The following GTF2B variants were observed in gnomAD, a reference collection of about 807,000 sequenced individuals.
The protein encoded by GTF2B is general transcription factor IIB.
GTF2B carries 20 observed loss-of-function variants against 34.6 expected under a neutral mutation model. The observed-to-expected ratio is 0.58, with a 90% confidence interval of 0.41 to 0.84. The LOEUF is 0.84. Among genes scored for constraint, GTF2B ranks in the 40% least tolerant of loss-of-function variants. GTF2B has a pLI of 0.00. For missense variants in GTF2B, 237 were observed against 393.3 expected (o/e 0.60, Z 3.36); for synonymous variants, 142 against 132.4 (o/e 1.07, Z -0.50).
intron 2 of GTF2B, among the ~76,000 whole-genome samples, chr1:88,878,717 C>A (rs1673867130): frequency 6.6e-6 from 1 of 152,198 alleles, no homozygotes; most frequent in African/African-American, 2.4e-5. Context: ...TGATCCTGTG[C>A]CAGTTCTAGG....
Position 88,853,067 on chromosome 1 carries a change from C to T in GTF2B, c.*146G>A, listed in dbSNP as rs1417708232. ...AATATGTTTCACTAGTATATACATA[C>T]AGAATGCCAAGCAATAGTATTCAGC... is the stretch of plus-strand genomic sequence containing the variant. On this transcript the variant is annotated 3_prime_UTR_variant, in exon 7 of 7. Transcript: ENST00000370500. The T allele has an allele frequency of 1.1e-5, 8 of 733,284 alleles. No individual in the cohort carries two copies. The highest frequency in any genetic ancestry group is 4.3e-5 in the Admixed American group (2 of 46,120). The allele number at this position is 733,284 out of a possible 1,614,324, so 45.4% of individuals were successfully genotyped here. A position where few individuals can be genotyped will look rare whatever the true frequency, so the allele number is the denominator to read the frequency against.
chr1:88,872,192 G>A (rs1009902252), intron 2 of GTF2B, among the ~76,000 whole-genome samples: 1 of 151,796 alleles, frequency 6.6e-6, no homozygotes, highest in Non-Finnish European at 1.5e-5. Flanking sequence ...GGTGGCTCAC[G>A]CCTGTAATCC....
chr1:88,864,864 T>C lies in GTF2B; in HGVS notation c.125-750A>G, dbSNP rs561783685. Among the ~76,000 whole-genome samples, 6 of 152,392 alleles carry C rather than the reference T, an allele frequency of 3.9e-5. No individual in the cohort carries two copies. In the East Asian group the frequency reaches 1.2e-3, roughly 29 times the overall value. On this transcript the variant is annotated intron_variant, in intron 2 of 6. Coordinates refer to ENST00000370500, the MANE Select transcript of GTF2B (RefSeq NM_001514.6). ...CCCTTTTGTAAATGTTCTCACTTAA[T>C]CTTCACAGCCTTATAAAGGTAGGTA...
In GTF2B at chr1:88,887,470, C is replaced by T. The variant is rs530198325; in HGVS notation, c.18-103G>A. 5.8e-5 allele frequency: 43 copies of T among 746,308 alleles called. No individual in the cohort carries two copies. The African/African-American group carries it at 7.1e-4, about 12-fold the overall frequency. The allele number at this position is 746,308 out of a possible 1,614,324, so 46.2% of individuals were successfully genotyped here. A position where few individuals can be genotyped will look rare whatever the true frequency, so the allele number is the denominator to read the frequency against. ...AAGACAAAGATTGTGAACGTTTTTTCATACATACAACTGTAACACATATAA... is the reference window on the plus strand; with the variant it reads ...AAGACAAAGATTGTGAACGTTTTTTTATACATACAACTGTAACACATATAA... On this transcript the variant is annotated intron_variant, in intron 1 of 6. Transcript: ENST00000370500.
At chr1:88,856,828 G>T (rs185179372) in intron 6 of GTF2B, among the ~76,000 whole-genome samples, 2 of 144,884 alleles carry the variant, frequency 1.4e-5, no homozygotes, top group African/African-American at 2.5e-5. Flanking sequence ...TTGAGATGGA[G>T]TCTTGCTCTG....
At chr1:88,855,359 G>GTTTTT (rs750561898) in intron 6 of GTF2B, among the ~76,000 whole-genome samples, 5 of 124,176 alleles carry the variant, frequency 4.0e-5, no homozygotes, top group East Asian at 2.3e-4. Context: ...TTCTGTTTTT[G>GTTTTT]TTTTTTTTTT....
rs188077210 is a variant in GTF2B, at chr1:88,890,607, C to T, written c.17+876G>A. 3.3e-5 allele frequency among the ~76,000 whole-genome samples: 5 copies of T among 152,288 alleles called. No individual in the cohort carries two copies. In the East Asian group the frequency reaches 9.6e-4, roughly 29 times the overall value. On this transcript the variant is annotated intron_variant, in intron 1 of 6. Transcript: ENST00000370500. ...AACAGGTTGTCTTAGACTCTACACTCTAACACGACTCTTGGAAAAGTCAAC... is the reference window on the plus strand; with the variant it reads ...AACAGGTTGTCTTAGACTCTACACTTTAACACGACTCTTGGAAAAGTCAAC...
intron 2 of GTF2B, among the ~76,000 whole-genome samples, chr1:88,880,101 G>T (rs148910927): frequency 1.1e-3 from 173 of 151,740 alleles, no homozygotes; most frequent in South Asian, 2.1e-3. Context: ...AAGAAAAATG[G>T]GACTGTCCAA....
At chr1:88,878,036 A>T (rs141138412) in intron 2 of GTF2B, among the ~76,000 whole-genome samples, 37 of 152,378 alleles carry the variant, frequency 2.4e-4, no homozygotes, top group Non-Finnish European at 2.5e-4. Context: ...TGGGAGGCCA[A>T]GGCGGGTAGA....
At chr1:88,860,595 G>A (rs1014842227) in intron 3 of GTF2B, among the ~76,000 whole-genome samples, 3 of 152,016 alleles carry the variant, frequency 2.0e-5, no homozygotes, top group African/African-American at 4.8e-5. Flanking sequence ...GAATCCAACA[G>A]CATATTAAAA....
At chr1:88,880,267 G>A (rs1293945708) in intron 2 of GTF2B, among the ~76,000 whole-genome samples, 2 of 152,140 alleles carry the variant, frequency 1.3e-5, no homozygotes, top group Non-Finnish European at 2.9e-5. Flanking sequence ...ATGAAAAACA[G>A]TAATTTAAAT....
rs12066144 is a variant in GTF2B at position 88,887,226 on chromosome 1, C to G, written c.124+35G>C. 679 of 1,360,088 alleles carry G rather than the reference C, an allele frequency of 5.0e-4. 4 individuals carry two copies. The African/African-American group carries it at 9.1e-3, about 18-fold the overall frequency. The allele number at this position is 1,360,088 out of a possible 1,614,324, so 84.3% of individuals were successfully genotyped here. A position where few individuals can be genotyped will look rare whatever the true frequency, so the allele number is the denominator to read the frequency against. On this transcript the variant is annotated intron_variant, in intron 2 of 6. Transcript: ENST00000370500. ...GAGCCACCATGCTTGGCCTCCTGAACAGTAATTTAAATTAAAACCATAATA... is the reference window on the plus strand; with the variant it reads ...GAGCCACCATGCTTGGCCTCCTGAAGAGTAATTTAAATTAAAACCATAATA...
intron 2 of GTF2B, among the ~76,000 whole-genome samples, chr1:88,882,327 A>AC (rs1557660999): frequency 8.7e-5 from 13 of 149,720 alleles, no homozygotes; most frequent in African/African-American, 3.0e-4. Context: ...AAAAAAAAAA[A>AC]AAAAAAAAAA....
At chr1:88,865,505 T>G (rs1002949291) in intron 2 of GTF2B, among the ~76,000 whole-genome samples, 1 of 152,078 alleles carries the variant, frequency 6.6e-6, no homozygotes, top group Non-Finnish European at 1.5e-5. Context: ...GCGGATCACC[T>G]GAGGTCAGGA....
chr1:88,883,164 T>TA (rs1673986152), intron 2 of GTF2B, among the ~76,000 whole-genome samples: 1 of 152,240 alleles, frequency 6.6e-6, no homozygotes, highest in Non-Finnish European at 1.5e-5. Context: ...AAGCAGTATT[T>TA]TGCCTTGTAA....
chr1:88,856,019 C>T (rs1673294543), intron 6 of GTF2B, among the ~76,000 whole-genome samples: 1 of 152,112 alleles, frequency 6.6e-6, no homozygotes, highest in Non-Finnish European at 1.5e-5. Flanking sequence ...CCTATAATCC[C>T]AGCACACTGG....
intron 3 of GTF2B, among the ~76,000 whole-genome samples, chr1:88,861,689 G>A (rs535828305): frequency 1.3e-5 from 2 of 151,996 alleles, no homozygotes; most frequent in East Asian, 1.9e-4. Context: ...AAAACAGGCC[G>A]AGTGTGATGG....
At chr1:88,863,878 A>G (rs1462551959) in intron 3 of GTF2B, 103 bp downstream of exon 3, 2 of 959,114 alleles carry the variant, frequency 2.1e-6, no homozygotes, top group Admixed American at 3.8e-5. Flanking sequence ...AGACAGGTCA[A>G]GATTCCCCAC....
intron 6 of GTF2B, among the ~76,000 whole-genome samples, chr1:88,856,685 GA>G (rs1013263874): frequency 5.9e-5 from 9 of 151,904 alleles, no homozygotes; most frequent in African/African-American, 2.2e-4. Context: ...ATTCAAATGG[GA>G]AAAAAATTAG....
Sources: gnomAD v4.1 joint callset for allele counts (sites outside exome capture counted in the v4.1 genomes callset) on GRCh38, gnomAD v4.1.1 for gene constraint, MANE v1.5 for transcripts, NCBI Gene and HGNC (gene_info 2026-07-23, HGNC 2026-07-21) for gene names.